The following ADAMTS2 variants were observed in gnomAD, a reference collection of about 807,000 sequenced individuals.
ADAMTS2 encodes ADAM metallopeptidase with thrombospondin type 1 motif 2, also known as A disintegrin and metalloproteinase with thrombospondin motifs 2.
A neutral mutation model predicts 123.0 loss-of-function variants in ADAMTS2; 50 were observed. That is an observed-to-expected ratio of 0.41 (90% confidence interval 0.32 to 0.51). ADAMTS2 has a LOEUF of 0.51. Ranked by LOEUF, ADAMTS2 falls within the 20% of genes least tolerant of loss-of-function variation. ADAMTS2 has a pLI of 0.35. For synonymous variants in ADAMTS2, 678 were observed against 695.4 expected, an observed-to-expected ratio of 0.98 and a Z score of 0.39; for missense variants, 1,494 against 1,705.2, an observed-to-expected ratio of 0.88 and a Z score of 2.18.
chr5:179,259,743 A>G (rs568819106), intron 3 of ADAMTS2, among the ~76,000 whole-genome samples: 1 of 152,356 alleles, frequency 6.6e-6, no homozygotes, highest in South Asian at 2.1e-4. Flanking sequence ...AAGGACAGAC[A>G]GTTAACTGTC....
At chr5:179,149,792 A>C (rs1217931688) in intron 10 of ADAMTS2, among the ~76,000 whole-genome samples, 1 of 152,190 alleles carries the variant, frequency 6.6e-6, no homozygotes, top group Non-Finnish European at 1.5e-5. Context: ...CCCCACACCG[A>C]ATCCTGATCT....
In ADAMTS2 at chr5:179,128,964, T is replaced by C. The variant is rs143884667; in HGVS notation, c.2458-846A>G. On this transcript the variant is annotated intron_variant, in intron 16 of 21. Transcript: ENST00000251582. The surrounding 1 kb of genome is among the most constrained non-coding windows in gnomAD (Gnocchi z 4.9). Reference sequence around the variant, plus strand: ...CAACAGACTGCAGAAAGAACCCCTGTTTGTGGGATGAGAGCAGAAACAAGC... The same window carrying C: ...CAACAGACTGCAGAAAGAACCCCTGCTTGTGGGATGAGAGCAGAAACAAGC... 2.6e-5 allele frequency among the ~76,000 whole-genome samples: 4 copies of C among 152,132 alleles called. No homozygotes were observed. The East Asian group carries it at 7.7e-4, about 29-fold the overall frequency.
intron 2 of ADAMTS2, among the ~76,000 whole-genome samples, chr5:179,329,812 C>G (rs372560376): frequency 6.6e-6 from 1 of 152,118 alleles, no homozygotes; most frequent in Non-Finnish European, 1.5e-5. Context: ...AGTTGGGGGC[C>G]GTAACCACCA....
At chr5:179,321,983 T>C (rs1757194344) in intron 2 of ADAMTS2, among the ~76,000 whole-genome samples, 2 of 152,160 alleles carry the variant, frequency 1.3e-5, no homozygotes, top group Non-Finnish European at 2.9e-5. Context: ...ATATTTCCAT[T>C]ATATGTGGCA....
chr5:179,128,151 C>A lies in ADAMTS2; in HGVS notation c.2458-33G>T. 2.5e-6 allele frequency: 4 copies of A among 1,610,594 alleles called. No homozygotes were observed. Among genetic ancestry groups the A allele is most frequent in the Non-Finnish European group, 3.4e-6 (4 of 1,179,766 alleles). ...AGCCCAAGAGCCTTGATGTGCCTGA[C>A]CTGCCCTCCATGCTTCCTCCCCAGC... is the stretch of plus-strand genomic sequence containing the variant. On this transcript the variant is annotated intron_variant, in intron 16 of 21. Coordinates refer to ENST00000251582, the MANE Select transcript of ADAMTS2 (RefSeq NM_014244.5). This position sits in a 1 kb window ranked among gnomAD's most constrained non-coding sequence, Gnocchi z 4.9.
In ADAMTS2 at chr5:179,181,253, A is replaced by G; in HGVS notation, c.892-98T>C. On this transcript the variant is annotated intron_variant, in intron 4 of 21. Transcript: ENST00000251582. The surrounding 1 kb of genome is among the most constrained non-coding windows in gnomAD (Gnocchi z 4.1). ...CCCCCACCTGCTCCTTCTTCTTCCC[A>G]TGCTTTCCACCCAGGCGTCACCATC... 1.1e-6 allele frequency: 1 copy of G among 890,834 alleles called. No individual in the cohort carries two copies. The highest frequency in any genetic ancestry group is 1.3e-5 in the South Asian group (1 of 74,586). 55.2% of individuals were successfully genotyped at this position (890,834 alleles called of 1,614,324 possible). A position where few individuals can be genotyped will look rare whatever the true frequency, so the allele number is the denominator to read the frequency against.
chr5:179,272,945 G>A lies in ADAMTS2; in HGVS notation c.654C>T (p.Ser218=). Reference sequence around the variant, plus strand: ...GGGCCTGTGGCCCCCCGAGAGGAGGGGACGTGGGTGGCCGGCGATACACCA... The same window carrying A: ...GGGCCTGTGGCCCCCCGAGAGGAGGAGACGTGGGTGGCCGGCGATACACCA... ...VHVVYRRPPT[S]PPLGGPQALD... Residue 218 remains serine, a synonymous_variant, in exon 3 of 22, where the codon TCC becomes TCT. Coordinates refer to ENST00000251582, the MANE Select transcript of ADAMTS2 (RefSeq NM_014244.5). This position sits in a 1 kb window ranked among gnomAD's most constrained non-coding sequence, Gnocchi z 5.8. 1 of 1,611,880 alleles carries A rather than the reference G, an allele frequency of 6.2e-7. No individual in the cohort carries two copies. The highest frequency in any genetic ancestry group is 8.5e-7 in the Non-Finnish European group (1 of 1,179,990).
At chr5:179,193,916 A>G (rs1163458979) in intron 4 of ADAMTS2, among the ~76,000 whole-genome samples, 1 of 152,168 alleles carries the variant, frequency 6.6e-6, no homozygotes, top group African/African-American at 2.4e-5. Flanking sequence ...GTGAGAGCCC[A>G]CGCCAGGTCA....
chr5:179,233,580 G>A (rs1378211845), intron 3 of ADAMTS2, among the ~76,000 whole-genome samples: 5 of 152,302 alleles, frequency 3.3e-5, no homozygotes, highest in African/African-American at 9.6e-5. Flanking sequence ...CCAGCTACTC[G>A]GGAGGCTGGA....
chr5:179,132,677 A>T lies in ADAMTS2; in HGVS notation c.2209+100T>A. On this transcript the variant is annotated intron_variant, in intron 14 of 21. Transcript: ENST00000251582. This position sits in a 1 kb window ranked among gnomAD's most constrained non-coding sequence, Gnocchi z 6.1. ...CTCTCCCCCTCCCCAGAACAGTCAT[A>T]AGCCCGGACAGCCCCAGGATGAGTC... 1 of 1,554,630 alleles carries T rather than the reference A, an allele frequency of 6.4e-7. No homozygotes were observed. Among genetic ancestry groups the T allele is most frequent in the South Asian group, 1.1e-5 (1 of 89,270 alleles).
chr5:179,280,174 C>T (rs562768438), intron 2 of ADAMTS2, among the ~76,000 whole-genome samples: 117 of 152,214 alleles, frequency 7.7e-4, no homozygotes, highest in Non-Finnish European at 1.3e-3. Flanking sequence ...CAGACCTTTA[C>T]TCCAGAAAGT....
At chr5:179,167,334 CCA>C (rs1763723210) in intron 5 of ADAMTS2, among the ~76,000 whole-genome samples, 1 of 152,010 alleles carries the variant, frequency 6.6e-6, no homozygotes, top group Non-Finnish European at 1.5e-5. Context: ...CACCCGGCGC[CCA>C]GACTCCGCGG....
At position 179,260,338 on chromosome 5, in the gene ADAMTS2, G is replaced by C. The variant is rs987385279; in HGVS notation, c.688+12573C>G. ...ATATTTACGCACCAACCGTGTGCCAGGCATTCCTCAAAATGCTGCAAATTC... is the reference window on the plus strand; with the variant it reads ...ATATTTACGCACCAACCGTGTGCCACGCATTCCTCAAAATGCTGCAAATTC... On this transcript the variant is annotated intron_variant, in intron 3 of 21. Coordinates refer to ENST00000251582, the MANE Select transcript of ADAMTS2 (RefSeq NM_014244.5). The surrounding 1 kb of genome is among the most constrained non-coding windows in gnomAD (Gnocchi z 4.2). Among the ~76,000 whole-genome samples, 2 of 152,168 alleles carry C rather than the reference G, an allele frequency of 1.3e-5. No individual in the cohort carries two copies. Among genetic ancestry groups the C allele is most frequent in the Non-Finnish European group, 2.9e-5 (2 of 68,022 alleles).
chr5:179,171,830 T>A (rs1763820238), intron 5 of ADAMTS2, among the ~76,000 whole-genome samples: 1 of 152,122 alleles, frequency 6.6e-6, no homozygotes, highest in Non-Finnish European at 1.5e-5. Flanking sequence ...AGGCCAATCA[T>A]CCCTGAATTC....
In ADAMTS2 at chr5:179,132,087, G is replaced by T; in HGVS notation, c.2290+143C>A. The stretch of plus-strand genomic sequence containing the variant: ...AAAGGGCCCAGGTGGGCTGAGCAGA[G>T]GGACAGGTTGGGGAGGGGCTGCCCT... On this transcript the variant is annotated intron_variant, in intron 15 of 21. Transcript: ENST00000251582. The surrounding 1 kb of genome is among the most constrained non-coding windows in gnomAD (Gnocchi z 6.1). 1 of 792,346 alleles carries T rather than the reference G, an allele frequency of 1.3e-6. No homozygotes were observed. 49.1% of individuals were successfully genotyped at this position (792,346 alleles called of 1,614,324 possible). A position where few individuals can be genotyped will look rare whatever the true frequency, so the allele number is the denominator to read the frequency against.
intron 2 of ADAMTS2, among the ~76,000 whole-genome samples, chr5:179,322,362 T>G (rs1757209245): frequency 6.6e-6 from 1 of 152,096 alleles, no homozygotes; most frequent in Non-Finnish European, 1.5e-5. Context: ...GTGGAGACTC[T>G]GAAAGTGCAG....
In ADAMTS2 at chr5:179,122,677, T is replaced by C; in HGVS notation, c.3055A>G (p.Thr1019Ala). The C allele has an allele frequency of 4.5e-6, 7 of 1,551,460 alleles. No individual in the cohort carries two copies. Among genetic ancestry groups the C allele is most frequent in the Non-Finnish European group, 6.1e-6 (7 of 1,147,522 alleles). The change falls in exon 20 of 22, where the codon ACA becomes GCA. Residue 1019 changes from threonine (T) to alanine (A), a missense_variant. Physicochemically the swap from Thr to Ala is moderately conservative, Grantham distance 58. Coordinates refer to ENST00000251582, the MANE Select transcript of ADAMTS2 (RefSeq NM_014244.5). ...GGGCCAAGCCTGCAGGTCCTCGCTGTCTCAGGACGCTCCTCCTGGCAGATG... is the reference window on the plus strand; with the variant it reads ...GGGCCAAGCCTGCAGGTCCTCGCTGCCTCAGGACGCTCCTCCTGGCAGATG... Reference protein sequence around the residue: ...FGICQEERPETARTCRLGPCP... With the variant: ...FGICQEERPEAARTCRLGPCP...
chr5:179,329,158 T>G (rs1352772656), intron 2 of ADAMTS2, among the ~76,000 whole-genome samples: 1 of 151,938 alleles, frequency 6.6e-6, no homozygotes, highest in Non-Finnish European at 1.5e-5. Flanking sequence ...AAACCCCGTC[T>G]CTACTAAAAA....
intron 3 of ADAMTS2, among the ~76,000 whole-genome samples, chr5:179,231,375 A>T (rs571530936): frequency 2.0e-5 from 3 of 152,302 alleles, no homozygotes; most frequent in Non-Finnish European, 4.4e-5. Flanking sequence ...ATTCTCTGAG[A>T]GGTCTGAGCT....
Sources: gnomAD v4.1 joint callset for allele counts (sites outside exome capture counted in the v4.1 genomes callset) on GRCh38, gnomAD v4.1.1 for gene constraint, Gnocchi (gnomAD v3.1) non-coding constraint, MANE v1.5 for transcripts, NCBI Gene and HGNC (gene_info 2026-07-23, HGNC 2026-07-21) for gene names.